The following ZSWIM8 variants were observed in gnomAD, a reference collection of about 807,000 sequenced individuals.
The protein encoded by ZSWIM8 is zinc finger SWIM-type containing 8, also known as zinc finger SWIM domain-containing protein 8.
In ZSWIM8, 27 loss-of-function variants were observed where a neutral mutation model predicts 173.7. That is an observed-to-expected ratio of 0.16 (90% CI 0.11 to 0.21). The LOEUF is 0.21. Ranked by LOEUF, ZSWIM8 falls within the 10% of genes least tolerant of loss-of-function variation. ZSWIM8 has a pLI of 1.00. For synonymous variants in ZSWIM8, 958 were observed against 962.0 expected, an observed-to-expected ratio of 1.00 and a Z score of 0.08; for missense variants, 1,627 against 2,428.8, an observed-to-expected ratio of 0.67 and a Z score of 6.94.
chr10:73,801,763 TTATAAATA>T lies in ZSWIM8; in HGVS notation c.*251_*258del. The T allele has an allele frequency of 1.3e-6, 2 of 1,493,282 alleles. No individual in the cohort carries two copies. The highest frequency in any genetic ancestry group is 2.7e-5 in the East Asian group (1 of 37,720). The allele number at this position is 1,493,282 out of a possible 1,614,324, so 92.5% of individuals were successfully genotyped here. ...GTGGCCTCTGGTATTTATTTGGCAT[TTATAAATA>T]TATAAACTCCTTTTTTACTCTAGTC... On this transcript the variant is annotated 3_prime_UTR_variant, in exon 26 of 26. Coordinates refer to ENST00000604729, the MANE Select transcript of ZSWIM8 (RefSeq NM_001367799.1). The surrounding 1 kb of genome is among the most constrained non-coding windows in gnomAD (Gnocchi z 4.9).
chr10:73,801,556 C>A lies in ZSWIM8; in HGVS notation c.*37C>A. 6.2e-7 allele frequency: 1 copy of A among 1,607,454 alleles called. No homozygotes were observed. Among genetic ancestry groups the A allele is most frequent in the Non-Finnish European group, 8.5e-7 (1 of 1,177,614 alleles). On this transcript the variant is annotated 3_prime_UTR_variant, in exon 26 of 26. Coordinates refer to ENST00000604729, the MANE Select transcript of ZSWIM8 (RefSeq NM_001367799.1). The surrounding 1 kb of genome is among the most constrained non-coding windows in gnomAD (Gnocchi z 4.9). ...TTAGGGTCCTATACAGGGACCCAGGCCTGTGGCTATGGGGGCCCCTCACAC... is the reference window on the plus strand; with the variant it reads ...TTAGGGTCCTATACAGGGACCCAGGACTGTGGCTATGGGGGCCCCTCACAC...
chr10:73,800,711 C>A lies in ZSWIM8; in HGVS notation c.5074C>A (p.Pro1692Thr), dbSNP rs367989692. ...CCCCAACAACTTCTCCCGCTCCCCCCCCTACACTGATGATGTCAAATGGTT... is the reference window on the plus strand; with the variant it reads ...CCCCAACAACTTCTCCCGCTCCCCCACCTACACTGATGATGTCAAATGGTT... ...DHPNNFSRSP[P>T]YTDDVKWLLG... Residue 1692 changes from proline (P) to threonine (T), a missense_variant, in exon 24 of 26, where the codon CCC (proline) becomes ACC (threonine). Transcript: ENST00000604729. The surrounding 1 kb of genome is among the most constrained non-coding windows in gnomAD (Gnocchi z 4.1). The A allele has an allele frequency of 1.5e-5, 24 of 1,613,700 alleles. No homozygotes were observed. In the South Asian group the frequency reaches 1.9e-4, roughly 13 times the overall value.
Position 73,792,685 on chromosome 10 carries a change from A to G in ZSWIM8, c.2146A>G (p.Lys716Glu), listed in dbSNP as rs2083461860. Residue 716 changes from lysine to glutamate, a missense_variant, in exon 10 of 26, where the codon AAA becomes GAA. Transcript: ENST00000604729. The surrounding 1 kb of genome is among the most constrained non-coding windows in gnomAD (Gnocchi z 4.3). ...DESGNGLPKT[K>E]EAAPAVGEED... ...GAGTGGCAATGGGCTTCCCAAAACCAAAGAGGCAGCCCCTGCAGTTGGAGA... is the reference window on the plus strand; with the variant it reads ...GAGTGGCAATGGGCTTCCCAAAACCGAAGAGGCAGCCCCTGCAGTTGGAGA... The G allele has an allele frequency of 6.2e-7, 1 of 1,613,830 alleles. No homozygotes were observed. Among genetic ancestry groups the G allele is most frequent in the Non-Finnish European group, 8.5e-7 (1 of 1,179,882 alleles).
Position 73,800,706 on chromosome 10 carries a change from C to T in ZSWIM8, c.5069C>T (p.Ser1690Phe), listed in dbSNP as rs999704606. 1 of 1,605,818 alleles carries T rather than the reference C, an allele frequency of 6.2e-7. No homozygotes were observed. Among genetic ancestry groups the T allele is most frequent in the Non-Finnish European group, 8.5e-7 (1 of 1,173,430 alleles). Reference protein sequence around the residue: ...HNDHPNNFSRSPPYTDDVKWL... With the variant: ...HNDHPNNFSRFPPYTDDVKWL... ...GATCACCCCAACAACTTCTCCCGCTCCCCCCCCTACACTGATGATGTCAAA... is the reference window on the plus strand; with the variant it reads ...GATCACCCCAACAACTTCTCCCGCTTCCCCCCCTACACTGATGATGTCAAA... The change falls in exon 24 of 26, where the codon TCC becomes TTC. Residue 1690 changes from serine to phenylalanine, a missense_variant. Transcript: ENST00000604729. This position sits in a 1 kb window ranked among gnomAD's most constrained non-coding sequence, Gnocchi z 4.1.
In ZSWIM8 at chr10:73,799,447, C is replaced by T; in HGVS notation, c.4622C>T (p.Pro1541Leu). ...AHPAHPMPHM[P>L]RPAVFPVPSS... ...CCTGCCCACCCCATGCCTCACATGC[C>T]CCGGCCTGCCGTCTTCCCTGTGCCC... is the stretch of plus-strand genomic sequence containing the variant. Residue 1541 changes from proline to leucine, a missense_variant, in exon 21 of 26, where the codon CCC (proline) becomes CTC (leucine). Coordinates refer to ENST00000604729, the MANE Select transcript of ZSWIM8 (RefSeq NM_001367799.1). 5.0e-6 allele frequency: 8 copies of T among 1,602,962 alleles called. No homozygotes were observed. The highest frequency in any genetic ancestry group is 6.8e-6 in the Non-Finnish European group (8 of 1,174,840).
rs377466364 is a variant in ZSWIM8 at position 73,799,216 on chromosome 10, G to A, written c.4391G>A (p.Gly1464Asp). The A allele has an allele frequency of 4.0e-5, 64 of 1,606,680 alleles. No individual in the cohort carries two copies. In the African/African-American group the frequency reaches 7.8e-4, roughly 19 times the overall value. Reference sequence around the variant, plus strand: ...GAAGCTGGGCGGGGTATGCCTGAGGGTAGAGGGGGCCCAGGGACTGAGCCG... The same window carrying A: ...GAAGCTGGGCGGGGTATGCCTGAGGATAGAGGGGGCCCAGGGACTGAGCCG... ...GGEAGRGMPE[G>D]RGGPGTEPVT... The change falls in exon 21 of 26, where the codon GGT becomes GAT. Residue 1464 changes from glycine to aspartate, a missense_variant. Around this residue, in one of 18 missense-constraint regions of ZSWIM8, gnomAD observed 275 missense variants for 290.1 expected, o/e 0.95. Transcript: ENST00000604729.
In ZSWIM8 at chr10:73,794,539, A is replaced by G. The variant is rs985623082; in HGVS notation, c.2810-2A>G. On this transcript the variant is annotated splice_acceptor_variant, in intron 13 of 25. Coordinates refer to ENST00000604729, the MANE Select transcript of ZSWIM8 (RefSeq NM_001367799.1). LOFTEE classifies it high-confidence loss of function. ...GCCTGACTTACCCCAACTTTTATAC[A>G]GTGGTTTCTCCCACAGGTTCCCGGC... The G allele has an allele frequency of 1.9e-6, 3 of 1,562,722 alleles. No homozygotes were observed. The highest frequency in any genetic ancestry group is 2.7e-5 in the African/African-American group (2 of 73,512).
chr10:73,799,521 C>A, intron 21 of ZSWIM8, 31 bp downstream of exon 21: 4 of 1,585,460 alleles, frequency 2.5e-6, no homozygotes, highest in Non-Finnish European at 3.4e-6. Flanking sequence ...GGGGGTAAGG[C>A]ATGGGAAAAT....
In ZSWIM8 at chr10:73,795,466, C is replaced by T. The variant is rs1183548327; in HGVS notation, c.2909-73C>T. The T allele has an allele frequency of 5.0e-6, 8 of 1,590,890 alleles. No homozygotes were observed. The South Asian group carries it at 8.0e-5, about 16-fold the overall frequency. ...ACTTCATATGCTGATGGCTTGGGAA[C>T]CCTGGCCTCTTACCTTTGCTGTCTT... On this transcript the variant is annotated intron_variant, in intron 14 of 25. Coordinates refer to ENST00000604729, the MANE Select transcript of ZSWIM8 (RefSeq NM_001367799.1).
At position 73,794,346 on chromosome 10, in the gene ZSWIM8, C is replaced by T; in HGVS notation, c.2809+16C>T. On this transcript the variant is annotated intron_variant, in intron 13 of 25. Coordinates refer to ENST00000604729, the MANE Select transcript of ZSWIM8 (RefSeq NM_001367799.1). ...TGTGCTCCAGGTATGATGCCTGACC[C>T]TACAGTAAGTGGGGAACTGGGGTAG... 1.9e-6 allele frequency: 3 copies of T among 1,611,560 alleles called. No homozygotes were observed. The highest frequency in any genetic ancestry group is 2.5e-6 in the Non-Finnish European group (3 of 1,178,454).
Position 73,800,499 on chromosome 10 carries a change from C to T in ZSWIM8, c.5002+27C>T, listed in dbSNP as rs766001274. 1.9e-6 allele frequency: 3 copies of T among 1,611,776 alleles called. No individual in the cohort carries two copies. The South Asian group carries it at 3.3e-5, about 18-fold the overall frequency. On this transcript the variant is annotated intron_variant, in intron 23 of 25. Coordinates refer to ENST00000604729, the MANE Select transcript of ZSWIM8 (RefSeq NM_001367799.1). This position sits in a 1 kb window ranked among gnomAD's most constrained non-coding sequence, Gnocchi z 4.1. The stretch of plus-strand genomic sequence containing the variant: ...TGAGAGGACATCCCTTTCTGTGCTC[C>T]TACCTGCAGTTGTGCCAGTGGCTCT...
chr10:73,795,764 C>G, intron 15 of ZSWIM8, 101 bp downstream of exon 15: 1 of 1,351,092 alleles, frequency 7.4e-7, no homozygotes, highest in Non-Finnish European at 9.9e-7. Context: ...TTGAGACAAG[C>G]CTGGGCAACA....
At chr10:73,787,784 G>A (rs1278203596) in intron 1 of ZSWIM8, among the ~76,000 whole-genome samples, 1 of 152,078 alleles carries the variant, frequency 6.6e-6, no homozygotes, top group Non-Finnish European at 1.5e-5. Context: ...ACCCAGGAGG[G>A]AGAGGTTGTG....
At chr10:73,793,773 C>T (rs2083509995) in intron 11 of ZSWIM8, 54 bp downstream of exon 11, 5 of 1,546,702 alleles carry the variant, frequency 3.2e-6, no homozygotes, top group South Asian at 2.4e-5. Context: ...CCAACCTGCT[C>T]CCATGCCCCA....
chr10:73,799,831 T>G (rs765595921), intron 21 of ZSWIM8, 180 bp from the exon 22 acceptor site: 21 of 670,728 alleles, frequency 3.1e-5, no homozygotes, highest in Non-Finnish European at 4.5e-5. Flanking sequence ...GGGAATCACT[T>G]GAACCTGGGA....
At position 73,801,554 on chromosome 10, in the gene ZSWIM8, G is replaced by T. The variant is rs1163931247; in HGVS notation, c.*35G>T. 1.2e-6 allele frequency: 2 copies of T among 1,608,530 alleles called. No homozygotes were observed. Among genetic ancestry groups the T allele is most frequent in the East Asian group, 2.2e-5 (1 of 44,676 alleles). ...CCTTAGGGTCCTATACAGGGACCCA[G>T]GCCTGTGGCTATGGGGGCCCCTCAC... On this transcript the variant is annotated 3_prime_UTR_variant, in exon 26 of 26. Coordinates refer to ENST00000604729, the MANE Select transcript of ZSWIM8 (RefSeq NM_001367799.1). This position sits in a 1 kb window ranked among gnomAD's most constrained non-coding sequence, Gnocchi z 4.9.
At position 73,789,719 on chromosome 10, in the gene ZSWIM8, T is replaced by C. The variant is rs756628344; in HGVS notation, c.633T>C (p.Ala211=). 9 of 1,599,788 alleles carry C rather than the reference T, an allele frequency of 5.6e-6. No individual in the cohort carries two copies. The highest frequency in any genetic ancestry group is 7.7e-6 in the Non-Finnish European group (9 of 1,173,312). Residue 211 remains alanine, a splice_region_variant and synonymous_variant, in exon 5 of 26, where the codon GCT becomes GCC. Coordinates refer to ENST00000604729, the MANE Select transcript of ZSWIM8 (RefSeq NM_001367799.1). The surrounding 1 kb of genome is among the most constrained non-coding windows in gnomAD (Gnocchi z 6.8). The part of the protein sequence containing the change: ...VALCLFRIHN[A]SAVCLRAPVS... ...ATTTTTCTCTGTGTCCCCTTCAGGCTTCTGCAGTCTGCCTGCGAGCCCCAG... is the reference window on the plus strand; with the variant it reads ...ATTTTTCTCTGTGTCCCCTTCAGGCCTCTGCAGTCTGCCTGCGAGCCCCAG...
rs1465457788 is a variant in ZSWIM8 at position 73,798,264 on chromosome 10, T to A, written c.3987T>A (p.Thr1329=). 1 of 1,614,032 alleles carries A rather than the reference T, an allele frequency of 6.2e-7. No homozygotes were observed. Among genetic ancestry groups the A allele is most frequent in the Non-Finnish European group, 8.5e-7 (1 of 1,179,896 alleles). ...QAMEIGSAAL[T]ILVECWDGHL... is the part of the protein sequence containing the mutation. ...TGGAGATAGGCAGCGCAGCCCTGAC[T>A]ATACTGGTAGAATGCTGGGATGGGC... The change falls in exon 20 of 26, where the codon ACT becomes ACA. Residue 1329 remains threonine, a synonymous_variant. Coordinates refer to ENST00000604729, the MANE Select transcript of ZSWIM8 (RefSeq NM_001367799.1).
In ZSWIM8 at chr10:73,800,187, G is replaced by A. The variant is rs1260129142; in HGVS notation, c.4825+17G>A. The A allele has an allele frequency of 6.2e-7, 1 of 1,613,418 alleles. No individual in the cohort carries two copies. Among genetic ancestry groups the A allele is most frequent in the Admixed American group, 1.7e-5 (1 of 59,996 alleles). On this transcript the variant is annotated intron_variant, in intron 22 of 25. Coordinates refer to ENST00000604729, the MANE Select transcript of ZSWIM8 (RefSeq NM_001367799.1). The surrounding 1 kb of genome is among the most constrained non-coding windows in gnomAD (Gnocchi z 4.1). ...GTGTGGCCTGTGAGTTGTGGGGCCAGGGAACAGGTGAATGGAGGGGAGGCA... is the reference window on the plus strand; with the variant it reads ...GTGTGGCCTGTGAGTTGTGGGGCCAAGGAACAGGTGAATGGAGGGGAGGCA...
Sources: allele counts gnomAD v4.1 joint callset (sites outside exome capture counted in the v4.1 genomes callset), GRCh38; gene constraint gnomAD v4.1.1; regional missense constraint gnomAD v4.1.1; non-coding constraint Gnocchi (gnomAD v3.1); transcripts MANE v1.5; gene names NCBI Gene and HGNC (gene_info 2026-07-23, HGNC 2026-07-21).